ASIC2: variants seen among roughly 807,000 people sequenced by gnomAD.
ASIC2 encodes acid-sensing ion channel 2.
A neutral mutation model predicts 57.3 loss-of-function variants in ASIC2; 25 were observed. That is an observed-to-expected ratio of 0.44 (90% CI 0.32 to 0.61). The LOEUF is 0.61. Ranked by LOEUF, ASIC2 falls within the 20% of genes least tolerant of loss-of-function variation. ASIC2 has a pLI of 0.06. For synonymous variants in ASIC2, 319 were observed against 307.5 expected (o/e 1.04, Z -0.39); for missense variants, 641 against 738.1 (o/e 0.87, Z 1.52).
At chr17:33,041,781 G>C (rs1271442631) in intron 3 of ASIC2, among the ~76,000 whole-genome samples, 1 of 152,218 alleles carries the variant, frequency 6.6e-6, no homozygotes, top group African/African-American at 2.4e-5. Context: ...AATCACATCT[G>C]AGTTCAGGAC....
At chr17:33,330,397 A>T (rs146053699) in intron 1 of ASIC2, among the ~76,000 whole-genome samples, 1 of 152,340 alleles carries the variant, frequency 6.6e-6, no homozygotes, top group African/African-American at 2.4e-5. Flanking sequence ...AGCATCCCAC[A>T]GAGTCAGTGA....
intron 1 of ASIC2, among the ~76,000 whole-genome samples, chr17:33,973,243 G>A (rs1374720715): frequency 1.3e-5 from 2 of 152,222 alleles, no homozygotes; most frequent in Admixed American, 1.3e-4. Context: ...TCAGCTGAAG[G>A]GATCAGAAGC....
At chr17:33,751,440 T>C (rs546203388) in intron 1 of ASIC2, among the ~76,000 whole-genome samples, 19 of 152,202 alleles carry the variant, frequency 1.2e-4, no homozygotes, top group Non-Finnish European at 1.3e-4. Context: ...AGATAAGATA[T>C]AGAAAGGTCT....
intron 1 of ASIC2, among the ~76,000 whole-genome samples, chr17:34,121,783 C>G (rs919836637): frequency 6.6e-6 from 1 of 152,234 alleles, no homozygotes; most frequent in Admixed American, 6.5e-5. Flanking sequence ...CTAAAATACT[C>G]CAACATCAAA....
chr17:33,904,800 T>C (rs1334697286), intron 1 of ASIC2, among the ~76,000 whole-genome samples: 1 of 152,214 alleles, frequency 6.6e-6, no homozygotes, highest in East Asian at 1.9e-4. Context: ...ACTTCTTCCT[T>C]AAAGTTGATT....
At chr17:34,131,830 C>T (rs9303674) in intron 1 of ASIC2, among the ~76,000 whole-genome samples, 21,772 of 152,216 alleles carry the variant, frequency 0.14, 1,955 homozygotes, top group African/African-American at 0.26. Context: ...CCTGAAAGGT[C>T]TGAGAATCTG....
At chr17:33,734,101 C>G (rs938397995) in intron 1 of ASIC2, among the ~76,000 whole-genome samples, 1 of 152,182 alleles carries the variant, frequency 6.6e-6, no homozygotes, top group Non-Finnish European at 1.5e-5. Context: ...TCATCTCCCC[C>G]CTACCCCACA....
chr17:34,143,494 T>C (rs1363350088), intron 1 of ASIC2, among the ~76,000 whole-genome samples: 1 of 152,224 alleles, frequency 6.6e-6, no homozygotes. Flanking sequence ...TGAGAGCAGA[T>C]TCTTATAAAG....
At chr17:34,081,471 C>CTGGTTCTA in intron 1 of ASIC2, among the ~76,000 whole-genome samples, 1 of 152,256 alleles carries the variant, frequency 6.6e-6, no homozygotes, top group East Asian at 1.9e-4. Flanking sequence ...CAGGTAGATG[C>CTGGTTCTA]CACCAGATGG....
chr17:33,877,259 C>T (rs1032987243), intron 1 of ASIC2, among the ~76,000 whole-genome samples: 21 of 152,102 alleles, frequency 1.4e-4, no homozygotes, highest in Non-Finnish European at 2.4e-4. Flanking sequence ...TGGGGAGTGT[C>T]GGACAGTGGG....
intron 1 of ASIC2, among the ~76,000 whole-genome samples, chr17:33,968,921 G>A (rs189360317): frequency 1.6e-3 from 238 of 152,316 alleles, no homozygotes; most frequent in African/African-American, 5.3e-3. Flanking sequence ...GGTGAAGGGT[G>A]GTCAGCCTTT....
intron 1 of ASIC2, among the ~76,000 whole-genome samples, chr17:33,120,331 C>T (rs777762308): frequency 5.3e-5 from 8 of 152,102 alleles, no homozygotes; most frequent in Non-Finnish European, 1.0e-4. Context: ...AGCTTCAGAC[C>T]GTGCAGGAAG....
chr17:33,619,918 G>A (rs998550983), intron 1 of ASIC2, among the ~76,000 whole-genome samples: 14 of 152,046 alleles, frequency 9.2e-5, no homozygotes, highest in African/African-American at 2.4e-4. Context: ...GAGCAATTGC[G>A]TCTCAAAAGA....
At chr17:34,029,078 T>A (rs1907487840) in intron 1 of ASIC2, among the ~76,000 whole-genome samples, 1 of 151,950 alleles carries the variant, frequency 6.6e-6, no homozygotes, top group Non-Finnish European at 1.5e-5. Context: ...CCCTCCTACC[T>A]CCCCCACAAC....
chr17:33,631,068 C>A (rs142071532), intron 1 of ASIC2, among the ~76,000 whole-genome samples: 120 of 152,270 alleles, frequency 7.9e-4, no homozygotes, highest in African/African-American at 2.8e-3. Flanking sequence ...GGGTAAGGAG[C>A]AAGTGGAAGG....
At chr17:34,020,203 C>T (rs1271259092) in intron 1 of ASIC2, among the ~76,000 whole-genome samples, 1 of 152,120 alleles carries the variant, frequency 6.6e-6, no homozygotes, top group African/African-American at 2.4e-5. Context: ...TGTATTTTGC[C>T]CTGTTTTCCA....
At chr17:33,633,588 A>T (rs867170248) in intron 1 of ASIC2, among the ~76,000 whole-genome samples, 1 of 152,184 alleles carries the variant, frequency 6.6e-6, no homozygotes, top group Non-Finnish European at 1.5e-5. Context: ...TACGCCTGCC[A>T]TGTCTGCCAA....
At chr17:33,952,326 G>A (rs1038693619) in intron 1 of ASIC2, among the ~76,000 whole-genome samples, 1 of 152,168 alleles carries the variant, frequency 6.6e-6, no homozygotes, top group African/African-American at 2.4e-5. Context: ...AATGGAGTGA[G>A]GATATGATGT....
In ASIC2 at chr17:33,531,307, C is replaced by A. The variant is rs892067458; in HGVS notation, c.556-419240G>T. 2.6e-5 allele frequency among the ~76,000 whole-genome samples: 4 copies of A among 151,800 alleles called. No individual in the cohort carries two copies. In the East Asian group the frequency reaches 5.8e-4, roughly 22 times the overall value. On this transcript the variant is annotated intron_variant, in intron 1 of 9. Transcript: ENST00000359872. Reference sequence around the variant, plus strand: ...GGGGTACATAAAGCTGGGCAGGGGGCAGGGGGCAGTGGGTGGGGGTTACAC... The same window carrying A: ...GGGGTACATAAAGCTGGGCAGGGGGAAGGGGGCAGTGGGTGGGGGTTACAC...
Sources: gnomAD v4.1 joint callset for allele counts (sites outside exome capture counted in the v4.1 genomes callset) on GRCh38, gnomAD v4.1.1 for gene constraint, MANE v1.5 for transcripts, NCBI Gene and HGNC (gene_info 2026-07-23, HGNC 2026-07-21) for gene names.